CD86: variants seen among roughly 807,000 people sequenced by gnomAD.
CD86 encodes the protein CD86 molecule, also known as T-lymphocyte activation antigen CD86.
Under a neutral mutation model 32.1 loss-of-function variants are expected in CD86, and 11 were observed. The observed-to-expected ratio is 0.34, with a 90% CI of 0.22 to 0.57. The LOEUF (loss-of-function observed/expected upper bound fraction) is 0.57, where lower values mean the gene tolerates loss of function less well. CD86 is among the 20% of genes least tolerant of loss of function. CD86 has a pLI of 0.86. For missense variants in CD86, 359 were observed against 398.4 expected, an observed-to-expected ratio of 0.90 and a Z score of 0.84; for synonymous variants, 137 against 135.3, an observed-to-expected ratio of 1.01 and a Z score of -0.09.
intron 1 of CD86, among the ~76,000 whole-genome samples, chr3:122,069,418 G>T (rs2072458378): frequency 6.6e-6 from 1 of 152,184 alleles, no homozygotes; most frequent in African/African-American, 2.4e-5. Flanking sequence ...GTGCATATTT[G>T]TGTGTTGCTA....
intron 2 of CD86, among the ~76,000 whole-genome samples, chr3:122,096,400 T>C (rs1366504065): frequency 6.6e-6 from 1 of 152,216 alleles, no homozygotes; most frequent in Non-Finnish European, 1.5e-5. Flanking sequence ...TACTTTTTGA[T>C]GTTACTTCAA....
At chr3:122,109,114 G>A in intron 4 of CD86, 151 bp from the exon 5 acceptor site, 2 of 736,844 alleles carry the variant, frequency 2.7e-6, no homozygotes, top group Non-Finnish European at 2.1e-6. Flanking sequence ...CTGAGCCTGG[G>A]ACTTTCTATG....
At chr3:122,114,781 G>A (rs2073225454) in intron 5 of CD86, among the ~76,000 whole-genome samples, 1 of 152,046 alleles carries the variant, frequency 6.6e-6, no homozygotes, top group Non-Finnish European at 1.5e-5. Context: ...AATGGATACA[G>A]GAAAAACTTT....
intron 2 of CD86, among the ~76,000 whole-genome samples, chr3:122,102,299 T>C (rs532587153): frequency 6.6e-6 from 1 of 152,148 alleles, no homozygotes; most frequent in South Asian, 2.1e-4. Flanking sequence ...TGAAATTTTA[T>C]TTAGAACTTA....
rs2073215714 is a variant in CD86 at position 122,114,151 on chromosome 3, TGA to T, written c.848-3891_848-3890del. Among the ~76,000 whole-genome samples the T allele has an allele frequency of 2.0e-5, 3 of 151,940 alleles. No individual in the cohort carries two copies. The South Asian group carries it at 6.2e-4, about 32-fold the overall frequency. On this transcript the variant is annotated intron_variant, in intron 5 of 6. Transcript: ENST00000330540. ...CTGTAATCCCAGCTACTTGGGAGGCTGAGAGAGGAGAATCGCTTGAACCTGGG... is the reference window on the plus strand; with the variant it reads ...CTGTAATCCCAGCTACTTGGGAGGCTGAGAGGAGAATCGCTTGAACCTGGG...
chr3:122,116,872 A>G (rs962653502), intron 5 of CD86, among the ~76,000 whole-genome samples: 16 of 152,178 alleles, frequency 1.1e-4, no homozygotes, highest in African/African-American at 3.9e-4. Flanking sequence ...ATGGTTATCC[A>G]TGGGATGGGG....
intron 1 of CD86, among the ~76,000 whole-genome samples, chr3:122,069,831 G>A (rs2072465577): frequency 2.0e-5 from 3 of 152,170 alleles, no homozygotes; most frequent in South Asian, 4.1e-4. Flanking sequence ...GTATGGGGTT[G>A]TTGGTTCTCC....
At chr3:122,086,442 A>G in intron 1 of CD86, 1 of 380,810 alleles carries the variant, frequency 2.6e-6, no homozygotes, top group Non-Finnish European at 5.4e-6. Context: ...CTTTGCCTGA[A>G]TGAGAGCCCA....
Position 122,106,265 on chromosome 3 carries a change from C to A in CD86, c.468C>A (p.Thr156=), listed in dbSNP as rs902395218. The change falls in exon 4 of 7, where the codon ACC becomes ACA. Residue 156 remains threonine (T), a synonymous_variant. Coordinates refer to ENST00000330540, the MANE Select transcript of CD86 (RefSeq NM_175862.5). ...NITENVYINL[T]CSSIHGYPEP... is the part of the protein sequence containing the mutation. Reference sequence around the variant, plus strand: ...CAGAAAATGTGTACATAAATTTGACCTGCTCATCTATACACGGTTACCCAG... The same window carrying A: ...CAGAAAATGTGTACATAAATTTGACATGCTCATCTATACACGGTTACCCAG... 2 of 1,613,052 alleles carry A rather than the reference C, an allele frequency of 1.2e-6. No homozygotes were observed. Among genetic ancestry groups the A allele is most frequent in the African/African-American group, 2.7e-5 (2 of 74,872 alleles).
intron 2 of CD86, among the ~76,000 whole-genome samples, chr3:122,093,639 A>T (rs2072862056): frequency 6.6e-6 from 1 of 152,208 alleles, no homozygotes; most frequent in Admixed American, 6.5e-5. Flanking sequence ...TTATAATCTT[A>T]TGGGACCACC....
intron 4 of CD86, among the ~76,000 whole-genome samples, chr3:122,107,823 A>G (rs2073115715): frequency 6.6e-6 from 1 of 152,206 alleles, no homozygotes; most frequent in Non-Finnish European, 1.5e-5. Context: ...CCAACTTTAC[A>G]ACTGGGCCAA....
At chr3:122,060,101 C>A (rs923892288) in intron 1 of CD86, among the ~76,000 whole-genome samples, 1 of 152,146 alleles carries the variant, frequency 6.6e-6, no homozygotes, top group Non-Finnish European at 1.5e-5. Context: ...AGAGTGCATA[C>A]AGCCAGAGAA....
intron 4 of CD86, among the ~76,000 whole-genome samples, chr3:122,106,975 T>G (rs969184045): frequency 6.6e-6 from 1 of 152,128 alleles, no homozygotes; most frequent in Non-Finnish European, 1.5e-5. Flanking sequence ...ACACCCCCTC[T>G]GCCCTTGAGG....
chr3:122,064,243 GA>G (rs568082048), intron 1 of CD86, among the ~76,000 whole-genome samples: 17,437 of 143,738 alleles, frequency 0.12, 1,048 homozygotes, highest in Non-Finnish European at 0.14. Context: ...GCACCAAGAG[GA>G]AAAAAAAAAA....
chr3:122,070,849 T>C (rs1389229433), intron 1 of CD86, among the ~76,000 whole-genome samples: 1 of 152,226 alleles, frequency 6.6e-6, no homozygotes, highest in Non-Finnish European at 1.5e-5. Flanking sequence ...GTGAAATTGA[T>C]GCTAATTTTC....
At chr3:122,089,312 G>A (rs2072775118) in intron 1 of CD86, among the ~76,000 whole-genome samples, 1 of 152,164 alleles carries the variant, frequency 6.6e-6, no homozygotes, top group African/African-American at 2.4e-5. Flanking sequence ...GGTGAAGATG[G>A]CAAATTTTAT....
intron 2 of CD86, among the ~76,000 whole-genome samples, chr3:122,100,065 T>G (rs142641953): frequency 2.3e-3 from 344 of 152,278 alleles, no homozygotes; most frequent in African/African-American, 7.0e-3. Flanking sequence ...CAGGGTTATG[T>G]CATAAGAAGG....
chr3:122,082,475 C>T (rs754497795), intron 1 of CD86, among the ~76,000 whole-genome samples: 1 of 152,152 alleles, frequency 6.6e-6, no homozygotes. Flanking sequence ...CTTGATAAAC[C>T]GAATTTGTCA....
intron 1 of CD86, among the ~76,000 whole-genome samples, chr3:122,091,033 TA>T (rs2072808977): frequency 6.6e-6 from 1 of 152,226 alleles, no homozygotes; most frequent in African/African-American, 2.4e-5. Flanking sequence ...GGCAGATTTC[TA>T]AGCGTAAATG....
Sources: gnomAD v4.1 joint callset for allele counts (sites outside exome capture counted in the v4.1 genomes callset) on GRCh38, gnomAD v4.1.1 for gene constraint, MANE v1.5 for transcripts, NCBI Gene and HGNC (gene_info 2026-07-23, HGNC 2026-07-21) for gene names.